The following GALNT13 variants were observed in gnomAD, a reference collection of about 807,000 sequenced individuals.
GALNT13 encodes the protein polypeptide N-acetylgalactosaminyltransferase 13.
A neutral mutation model predicts 64.2 loss-of-function variants in GALNT13; 28 were observed. The observed-to-expected ratio is 0.44, with a 90% CI of 0.32 to 0.60. The LOEUF (loss-of-function observed/expected upper bound fraction) is 0.60. Among genes scored for constraint, GALNT13 ranks in the 20% least tolerant of loss-of-function variants. GALNT13 has a pLI of 0.05. For synonymous variants in GALNT13, 214 were observed against 224.6 expected (o/e 0.95, Z 0.42); for missense variants, 577 against 669.8 (o/e 0.86, Z 1.53).
the GALNT13 span, among the ~76,000 whole-genome samples, chr2:153,567,074 G>T: frequency 6.6e-6 from 1 of 152,238 alleles, no homozygotes; most frequent in Middle Eastern, 3.4e-3. Context: ...GCTTTTCTTG[G>T]TTTTTCCTAT....
the GALNT13 span, among the ~76,000 whole-genome samples, chr2:153,464,955 T>A: frequency 1.3e-5 from 2 of 152,162 alleles, no homozygotes; most frequent in African/African-American, 2.4e-5. Context: ...AAAGTTCTTA[T>A]GCCAGGGATT....
chr2:154,033,328 G>A (rs972115744), intron 3 of GALNT13, among the ~76,000 whole-genome samples: 2 of 151,830 alleles, frequency 1.3e-5, no homozygotes, highest in African/African-American at 4.8e-5. Context: ...TTAACTTTAA[G>A]AATATAAATT....
At chr2:154,315,745 G>A (rs569760376) in intron 9 of GALNT13, among the ~76,000 whole-genome samples, 1 of 152,312 alleles carries the variant, frequency 6.6e-6, no homozygotes, top group East Asian at 1.9e-4. Flanking sequence ...TCAAAATAAT[G>A]AAAGACTTAT....
chr2:153,147,223 G>A, the GALNT13 span, among the ~76,000 whole-genome samples: 20 of 151,912 alleles, frequency 1.3e-4, no homozygotes, highest in East Asian at 3.9e-4. Flanking sequence ...TTAGGTTCAC[G>A]CTCTGATCCT....
chr2:153,888,344 T>C (rs1282436902), intron 1 of GALNT13, among the ~76,000 whole-genome samples: 3 of 152,032 alleles, frequency 2.0e-5, no homozygotes, highest in Non-Finnish European at 4.4e-5. Flanking sequence ...TTTTTAAAAA[T>C]GGTGGTACAG....
At chr2:153,838,316 G>A in the GALNT13 span, among the ~76,000 whole-genome samples, 3 of 151,974 alleles carry the variant, frequency 2.0e-5, no homozygotes, top group East Asian at 5.8e-4. Context: ...ATCCAAAAAA[G>A]CATTGTCCAG....
intron 4 of GALNT13, among the ~76,000 whole-genome samples, chr2:154,169,681 T>A (rs951989784): frequency 1.3e-5 from 2 of 152,046 alleles, no homozygotes; most frequent in Non-Finnish European, 2.9e-5. Context: ...ATTTAGGCAG[T>A]TTTCAAAGCT....
At chr2:153,321,130 T>C in the GALNT13 span, among the ~76,000 whole-genome samples, 1 of 152,204 alleles carries the variant, frequency 6.6e-6, no homozygotes, top group African/African-American at 2.4e-5. Context: ...AATCCCAGAA[T>C]TGTTAAAGAT....
At chr2:153,499,614 C>A in the GALNT13 span, among the ~76,000 whole-genome samples, 1 of 152,216 alleles carries the variant, frequency 6.6e-6, no homozygotes, top group Non-Finnish European at 1.5e-5. Context: ...GCCAAGCCAC[C>A]CTACACTTCA....
intron 3 of GALNT13, among the ~76,000 whole-genome samples, chr2:154,080,967 T>C (rs867092508): frequency 2.6e-5 from 4 of 151,576 alleles, no homozygotes; most frequent in Admixed American, 6.6e-5. Context: ...TCATGGCCTG[T>C]AGCATAAGTC....
At chr2:154,000,572 T>C (rs1695839010) in intron 3 of GALNT13, among the ~76,000 whole-genome samples, 1 of 152,036 alleles carries the variant, frequency 6.6e-6, no homozygotes, top group Non-Finnish European at 1.5e-5. Flanking sequence ...ATTCATGTTG[T>C]CAAATGTCTA....
At chr2:154,402,654 A>G (rs1238502274) in intron 10 of GALNT13, among the ~76,000 whole-genome samples, 1 of 152,242 alleles carries the variant, frequency 6.6e-6, no homozygotes, top group Non-Finnish European at 1.5e-5. Flanking sequence ...GTTCTGGAAC[A>G]GACTTTGTGA....
chr2:154,035,448 G>A (rs1698604730), intron 3 of GALNT13, among the ~76,000 whole-genome samples: 1 of 152,004 alleles, frequency 6.6e-6, no homozygotes, highest in African/African-American at 2.4e-5. Context: ...GTCACTGCAA[G>A]TTGTTTCTCC....
chr2:153,792,513 G>A, the GALNT13 span, among the ~76,000 whole-genome samples: 1 of 152,002 alleles, frequency 6.6e-6, no homozygotes, highest in South Asian at 2.1e-4. Context: ...GAAACTAATG[G>A]CCAATCCTCT....
chr2:153,619,129 AG>A, the GALNT13 span, among the ~76,000 whole-genome samples: 1 of 152,038 alleles, frequency 6.6e-6, no homozygotes, highest in Non-Finnish European at 1.5e-5. Flanking sequence ...TCTCTAGGGA[AG>A]ATGAGTTTCT....
the GALNT13 span, among the ~76,000 whole-genome samples, chr2:153,204,479 C>A: frequency 0.16 from 24,926 of 152,030 alleles, 2,155 homozygotes; most frequent in Non-Finnish European, 0.18. Flanking sequence ...TACTTACTGG[C>A]TTTTCTTTTT....
chr2:153,589,632 A>C, the GALNT13 span, among the ~76,000 whole-genome samples: 13 of 152,208 alleles, frequency 8.5e-5, no homozygotes, highest in African/African-American at 2.9e-4. Context: ...CATGGCTGAG[A>C]GACGCCTCAC....
Position 154,106,549 on chromosome 2 carries a change from C to G in GALNT13, c.143-33788C>G, listed in dbSNP as rs983711491. 3.3e-5 allele frequency among the ~76,000 whole-genome samples: 5 copies of G among 151,720 alleles called. No individual in the cohort carries two copies. The South Asian group carries it at 8.3e-4, about 25-fold the overall frequency. Reference sequence around the variant, plus strand: ...TCTTTTACCTATGTGTCTCTTCTGCCTAATACCAGAGTGTGTTGATTATTA... The same window carrying G: ...TCTTTTACCTATGTGTCTCTTCTGCGTAATACCAGAGTGTGTTGATTATTA... On this transcript the variant is annotated intron_variant, in intron 3 of 12. Transcript: ENST00000392825.
chr2:154,341,594 A>G (rs1042461029), intron 9 of GALNT13, among the ~76,000 whole-genome samples: 2 of 151,938 alleles, frequency 1.3e-5, no homozygotes, highest in Non-Finnish European at 2.9e-5. Context: ...GAAGTTGTGG[A>G]ACATGAGGTC....
Sources: gnomAD v4.1 joint callset for allele counts (sites outside exome capture counted in the v4.1 genomes callset) on GRCh38, gnomAD v4.1.1 for gene constraint, MANE v1.5 for transcripts, NCBI Gene and HGNC (gene_info 2026-07-23, HGNC 2026-07-21) for gene names.